Variants in SEC14L5 observed in about 807,000 individuals in gnomAD.
SEC14L5 encodes the protein SEC14-like protein 5.
Under a neutral mutation model 84.6 loss-of-function variants are expected in SEC14L5, and 96 were observed. That is an observed-to-expected ratio of 1.13 (90% CI 0.96 to 1.34). The LOEUF (loss-of-function observed/expected upper bound fraction) is 1.34. Ranked by LOEUF, SEC14L5 falls within the 40% of genes most tolerant of loss-of-function variation. The pLI, the probability that SEC14L5 is intolerant of heterozygous loss-of-function variation, is 0.00. For synonymous variants in SEC14L5, 546 were observed against 383.4 expected, an observed-to-expected ratio of 1.42 and a Z score of -4.95; for missense variants, 1,224 against 942.5, an observed-to-expected ratio of 1.30 and a Z score of -3.91.
Position 5,016,808 on chromosome 16 carries a change from C to T in SEC14L5, c.*1838C>T, listed in dbSNP as rs1955879367. 1 of 152,242 alleles carries T rather than the reference C, an allele frequency of 6.6e-6. No homozygotes were observed. Among genetic ancestry groups the T allele is most frequent in the African/African-American group, 2.4e-5 (1 of 41,464 alleles). The allele number at this position is 152,242 out of a possible 1,614,324, so 9.4% of individuals were successfully genotyped here. ...CTTTTCAGATACATCCTTCTTCCTG[C>T]TGGGAGAGAGCCTTGCCCACCTTCC... On this transcript the variant is annotated 3_prime_UTR_variant, in exon 16 of 16. Transcript: ENST00000251170.
intron 2 of SEC14L5, among the ~76,000 whole-genome samples, chr16:4,977,324 G>A (rs766519766): frequency 5.3e-5 from 8 of 151,256 alleles, no homozygotes; most frequent in Non-Finnish European, 1.0e-4. Flanking sequence ...GTGGGTGCCT[G>A]TAATCCCAGG....
intron 7 of SEC14L5, among the ~76,000 whole-genome samples, 195 bp downstream of exon 7, chr16:4,996,655 T>G (rs1156789202): frequency 6.6e-6 from 1 of 152,038 alleles, no homozygotes; most frequent in East Asian, 1.9e-4. Context: ...CACTGCAACC[T>G]TCGCCTCCTG....
In SEC14L5 at chr16:4,964,750, C is replaced by T. The variant is rs192931889; in HGVS notation, c.63+5364C>T. Among the ~76,000 whole-genome samples, 7 of 150,724 alleles carry T rather than the reference C, an allele frequency of 4.6e-5. No homozygotes were observed. The East Asian group carries it at 9.9e-4, about 21-fold the overall frequency. ...TGTGCCCCACCTCTTCTTCTTTTTTCGATACGGGGTCTCACTGTCACCCAA... is the reference window on the plus strand; with the variant it reads ...TGTGCCCCACCTCTTCTTCTTTTTTTGATACGGGGTCTCACTGTCACCCAA... On this transcript the variant is annotated intron_variant, in intron 2 of 15. Transcript: ENST00000251170.
At chr16:4,993,709 T>G (rs1430677524) in intron 6 of SEC14L5, among the ~76,000 whole-genome samples, 1 of 152,244 alleles carries the variant, frequency 6.6e-6, no homozygotes, top group Non-Finnish European at 1.5e-5. Flanking sequence ...AAAGTGGAAT[T>G]GCTGGTTCAA....
intron 2 of SEC14L5, among the ~76,000 whole-genome samples, chr16:4,987,022 A>C (rs187124151): frequency 1.3e-5 from 2 of 152,146 alleles, no homozygotes; most frequent in African/African-American, 2.4e-5. Context: ...GATGGCTTTT[A>C]TTTCTTTTAC....
At chr16:4,994,249 C>T (rs865942309) in intron 6 of SEC14L5, among the ~76,000 whole-genome samples, 6 of 152,346 alleles carry the variant, frequency 3.9e-5, no homozygotes, top group Middle Eastern at 3.4e-3. Flanking sequence ...CACTGCCGTG[C>T]AGGGACTTCC....
At chr16:4,987,839 A>T in intron 3 of SEC14L5, 133 bp downstream of exon 3, 1 of 719,174 alleles carries the variant, frequency 1.4e-6, no homozygotes, top group Non-Finnish European at 2.2e-6. Flanking sequence ...TGATATTTGG[A>T]TGGAGGTTCC....
chr16:5,013,759 T>C (rs545629753), intron 15 of SEC14L5, among the ~76,000 whole-genome samples: 44 of 152,114 alleles, frequency 2.9e-4, no homozygotes, highest in African/African-American at 1.0e-3. Flanking sequence ...GGTTTCGCCA[T>C]GTTAGCCAGG....
intron 2 of SEC14L5, among the ~76,000 whole-genome samples, chr16:4,965,997 T>G (rs1056630366): frequency 1.3e-5 from 2 of 152,096 alleles, no homozygotes; most frequent in African/African-American, 4.8e-5. Flanking sequence ...AGCTGTGATG[T>G]TGCTACTGCA....
At chr16:5,000,771 C>G (rs1292168161) in intron 9 of SEC14L5, 28 bp downstream of exon 9, 1 of 1,555,120 alleles carries the variant, frequency 6.4e-7, no homozygotes, top group Admixed American at 2.0e-5. Flanking sequence ...TTCCTGGACG[C>G]CGTGCCTGGG....
At chr16:4,986,493 C>G (rs1345731269) in intron 2 of SEC14L5, among the ~76,000 whole-genome samples, 2 of 152,152 alleles carry the variant, frequency 1.3e-5, no homozygotes. Context: ...CAATTTTGCT[C>G]TTTTTCGATT....
chr16:4,985,414 G>A (rs1465188105), intron 2 of SEC14L5, among the ~76,000 whole-genome samples: 1 of 152,020 alleles, frequency 6.6e-6, no homozygotes, highest in Non-Finnish European at 1.5e-5. Context: ...TTTTAGGAGA[G>A]ACAGGGTTTC....
chr16:4,974,296 A>G (rs1396807318), intron 2 of SEC14L5, among the ~76,000 whole-genome samples: 1 of 151,888 alleles, frequency 6.6e-6, no homozygotes, highest in East Asian at 1.9e-4. Flanking sequence ...GCTCACTGCA[A>G]TCTCAAGCCA....
intron 2 of SEC14L5, 23 bp from the exon 3 acceptor site, chr16:4,987,534 G>A: frequency 1.4e-6 from 2 of 1,461,348 alleles, no homozygotes; most frequent in South Asian, 1.3e-5. Flanking sequence ...CACCACGGCC[G>A]CTCACTGCCG....
At chr16:4,984,517 G>A (rs2142499321) in intron 2 of SEC14L5, among the ~76,000 whole-genome samples, 1 of 152,216 alleles carries the variant, frequency 6.6e-6, no homozygotes, top group East Asian at 1.9e-4. Context: ...TTTTTGTGTG[G>A]ACTTATGTTT....
chr16:4,980,492 G>A lies in SEC14L5; in HGVS notation c.64-7065G>A, dbSNP rs548647800. Among the ~76,000 whole-genome samples the A allele has an allele frequency of 6.6e-5, 10 of 152,250 alleles. No homozygotes were observed. In the East Asian group the frequency reaches 1.7e-3, roughly 26 times the overall value. On this transcript the variant is annotated intron_variant, in intron 2 of 15. Transcript: ENST00000251170. The stretch of plus-strand genomic sequence containing the variant: ...GGAACTCTGGCCTTTGACTGGCTGC[G>A]TGTGCTGAGTCTGTGGCTTTATCCC...
At chr16:5,014,490 C>T (rs928398197) in intron 15 of SEC14L5, among the ~76,000 whole-genome samples, 8 of 152,194 alleles carry the variant, frequency 5.3e-5, no homozygotes, top group East Asian at 1.9e-4. Flanking sequence ...TCAGGCTCAG[C>T]GCACACGAAG....
intron 10 of SEC14L5, among the ~76,000 whole-genome samples, chr16:5,002,798 G>A (rs184494368): frequency 6.6e-6 from 1 of 152,336 alleles, no homozygotes; most frequent in African/African-American, 2.4e-5. Flanking sequence ...GCAAGTGGCA[G>A]AACTGGGATT....
At chr16:4,962,486 G>A (rs549069712) in intron 2 of SEC14L5, among the ~76,000 whole-genome samples, 1 of 152,160 alleles carries the variant, frequency 6.6e-6, no homozygotes, top group African/African-American at 2.4e-5. Flanking sequence ...TCAGGAGTTC[G>A]AGACGAGCTT....
Sources: allele counts gnomAD v4.1 joint callset (sites outside exome capture counted in the v4.1 genomes callset), GRCh38; gene constraint gnomAD v4.1.1; transcripts MANE v1.5; gene names NCBI Gene and HGNC (gene_info 2026-07-23, HGNC 2026-07-21).